The following USP44 variants were observed in gnomAD, a reference collection of about 807,000 sequenced individuals.
USP44 encodes ubiquitin specific peptidase 44.
A neutral mutation model predicts 69.0 loss-of-function variants in USP44; 61 were observed. The ratio of observed to expected loss-of-function variants is 0.88; its 90% CI spans 0.72 to 1.09. The LOEUF (loss-of-function observed/expected upper bound fraction) is 1.09. Ranked by LOEUF, USP44 falls within the 50% of genes least tolerant of loss-of-function variation. The pLI is 0.00. For synonymous variants in USP44, 297 were observed against 295.4 expected, an observed-to-expected ratio of 1.01 and a Z score of -0.06; for missense variants, 753 against 849.9, an observed-to-expected ratio of 0.89 and a Z score of 1.42.
intron 1 of USP44, among the ~76,000 whole-genome samples, chr12:95,541,168 G>A (rs751702087): frequency 1.3e-5 from 2 of 152,124 alleles, no homozygotes; most frequent in Non-Finnish European, 2.9e-5. Flanking sequence ...AATCCCAGCT[G>A]CTTGGGAGGC....
intron 1 of USP44, among the ~76,000 whole-genome samples, chr12:95,543,348 G>A (rs1467949642): frequency 8.0e-5 from 12 of 149,524 alleles, no homozygotes; most frequent in African/African-American, 2.7e-4. Flanking sequence ...TGGTTGCAGT[G>A]GGCCGAGATC....
At chr12:95,543,487 TAGAAAAAAAGA>T (rs1031689538) in intron 1 of USP44, among the ~76,000 whole-genome samples, 41 of 148,376 alleles carry the variant, frequency 2.8e-4, no homozygotes, top group Admixed American at 2.1e-3. Flanking sequence ...ACCCTGTCTC[TAGAAAAAAAGA>T]AGAAAAAAAG....
At chr12:95,537,446 G>C (rs2077243859) in intron 1 of USP44, among the ~76,000 whole-genome samples, 1 of 152,072 alleles carries the variant, frequency 6.6e-6, no homozygotes, top group Admixed American at 6.5e-5. Context: ...AGCCTCCCGA[G>C]TAGCTGGGAT....
In USP44 at chr12:95,548,206, C is replaced by A. The variant is rs2077636547; in HGVS notation, c.-71+3066G>T. On this transcript the variant is annotated intron_variant, in intron 1 of 5. Coordinates refer to ENST00000258499, the MANE Select transcript of USP44 (RefSeq NM_032147.5). This position sits in a 1 kb window ranked among gnomAD's most constrained non-coding sequence, Gnocchi z 4.1. ...CAAGACGCCGGGAAGCGCATTCCTC[C>A]TCAACCGAGTGCCACAACCGCCCTC... The A allele has an allele frequency of 6.6e-6, 1 of 152,232 alleles. No homozygotes were observed. Among genetic ancestry groups the A allele is most frequent in the South Asian group, 2.1e-4 (1 of 4,838 alleles). The allele number at this position is 152,232 out of a possible 1,614,324, so 9.4% of individuals were successfully genotyped here. A position where few individuals can be genotyped will look rare whatever the true frequency, so the allele number is the denominator to read the frequency against.
chr12:95,547,216 G>A (rs2140394005), intron 1 of USP44, among the ~76,000 whole-genome samples: 1 of 152,250 alleles, frequency 6.6e-6, no homozygotes, highest in Admixed American at 6.5e-5. Flanking sequence ...AAATATTTCA[G>A]CTTTCTAAAC....
intron 1 of USP44, among the ~76,000 whole-genome samples, chr12:95,549,611 A>G (rs1430218398): frequency 1.3e-5 from 2 of 152,200 alleles, no homozygotes; most frequent in East Asian, 1.9e-4. Context: ...GTGTACTGAA[A>G]ATTTAAAAAC....
chr12:95,523,679 C>G (rs1046198417), intron 4 of USP44, among the ~76,000 whole-genome samples: 51 of 122,738 alleles, frequency 4.2e-4, no homozygotes, highest in Non-Finnish European at 7.0e-4. Context: ...TGGCAAAACC[C>G]TGTCTCTACC....
At chr12:95,541,874 ATT>A (rs34060895) in intron 1 of USP44, among the ~76,000 whole-genome samples, 2,714 of 99,516 alleles carry the variant, frequency 0.027, 49 homozygotes, top group African/African-American at 0.099. Context: ...TATCATCTCC[ATT>A]TTTTTTTTTT....
chr12:95,532,998 G>T lies in USP44; in HGVS notation c.1259C>A (p.Ala420Asp), dbSNP rs2077070114. The T allele has an allele frequency of 1.2e-6, 2 of 1,614,160 alleles. No homozygotes were observed. The highest frequency in any genetic ancestry group is 1.7e-6 in the Non-Finnish European group (2 of 1,180,044). ...AAGAAATTCCTGAGCGTCTTGTTGG[G>T]CGTAACCACGAAAGGCAGGAATGAG... ...WRLIPAFRGY[A>D]QQDAQEFLCE... The change falls in exon 2 of 6, where the codon GCC becomes GAC. Residue 420 changes from alanine (A) to aspartate (D), a missense_variant. Coordinates refer to ENST00000258499, the MANE Select transcript of USP44 (RefSeq NM_032147.5).
At position 95,531,868 on chromosome 12, in the gene USP44, C is replaced by T. The variant is rs2077031192; in HGVS notation, c.1428+961G>A. Among the ~76,000 whole-genome samples, 4 of 152,260 alleles carry T rather than the reference C, an allele frequency of 2.6e-5. No homozygotes were observed. The East Asian group carries it at 7.7e-4, about 29-fold the overall frequency. ...TTGTGTGTTATGGGAAAGTAGAGAA[C>T]CTTATGTCTATTAACAGTTCACCAA... is the stretch of plus-strand genomic sequence containing the variant. On this transcript the variant is annotated intron_variant, in intron 2 of 5. Coordinates refer to ENST00000258499, the MANE Select transcript of USP44 (RefSeq NM_032147.5).
Position 95,549,190 on chromosome 12 carries a change from C to G in USP44, c.-71+2082G>C, listed in dbSNP as rs563333428. Among the ~76,000 whole-genome samples, 336 of 152,318 alleles carry G rather than the reference C, an allele frequency of 2.2e-3. 2 individuals carry two copies. Among genetic ancestry groups the G allele is most frequent in the Non-Finnish European group, 3.9e-3 (263 of 68,028 alleles). ...AACGTCGAATTGTTTGGCAGAAACG[C>G]GTGGCAAACTCCGTTATCTTTAAAA... On this transcript the variant is annotated intron_variant, in intron 1 of 5. Coordinates refer to ENST00000258499, the MANE Select transcript of USP44 (RefSeq NM_032147.5).
intron 1 of USP44, 91 bp from the exon 2 acceptor site, chr12:95,534,417 C>T (rs535564871): frequency 1.5e-4 from 98 of 675,418 alleles, no homozygotes; most frequent in African/African-American, 1.4e-3. Flanking sequence ...TCCTCTGCTC[C>T]CAATTTCTAG....
At chr12:95,543,966 C>CAAAAAAAA (rs760105964) in intron 1 of USP44, among the ~76,000 whole-genome samples, 3 of 47,680 alleles carry the variant, frequency 6.3e-5, no homozygotes, top group African/African-American at 1.4e-4. Flanking sequence ...GACTGCATCT[C>CAAAAAAAA]AAAAAAAAAA....
intron 5 of USP44, among the ~76,000 whole-genome samples, chr12:95,519,831 G>A (rs1414065594): frequency 6.6e-6 from 1 of 150,806 alleles, no homozygotes; most frequent in African/African-American, 2.4e-5. Flanking sequence ...CTTAAGGCCA[G>A]GAGTTCAAGA....
chr12:95,534,134 G>C lies in USP44; in HGVS notation c.123C>G (p.Cys41Trp), dbSNP rs373529362. The change falls in exon 2 of 6, where the codon TGC becomes TGG. Residue 41 changes from cysteine (C) to tryptophan (W), a missense_variant. Cys to Trp is a radical substitution (Grantham distance 215, BLOSUM62 -2). Transcript: ENST00000258499. ...DCNTTESIWACLSCSHVACGR... is the reference protein window; with the variant it reads ...DCNTTESIWAWLSCSHVACGR... The stretch of plus-strand genomic sequence containing the variant: ...CACAGGCAACATGGGAGCAGCTAAG[G>C]CAAGCCCAAATGGACTCGGTCGTGT... 1.2e-4 allele frequency: 187 copies of C among 1,614,012 alleles called. No homozygotes were observed. The highest frequency in any genetic ancestry group is 1.5e-4 in the Non-Finnish European group (181 of 1,180,040).
intron 1 of USP44, among the ~76,000 whole-genome samples, chr12:95,541,832 C>A (rs2077399270): frequency 6.6e-6 from 1 of 151,558 alleles, no homozygotes; most frequent in South Asian, 2.1e-4. Context: ...CAAGGTCCAA[C>A]TCCTTCATAA....
At chr12:95,518,924 A>G (rs1307947809) in intron 5 of USP44, among the ~76,000 whole-genome samples, 1 of 134,772 alleles carries the variant, frequency 7.4e-6, no homozygotes, top group Non-Finnish European at 1.5e-5. Context: ...TGGGTGATAG[A>G]GGGACTGTCT....
intron 1 of USP44, among the ~76,000 whole-genome samples, chr12:95,536,036 TTCC>T (rs1270779574): frequency 1.6e-5 from 2 of 127,716 alleles, no homozygotes; most frequent in Non-Finnish European, 3.7e-5. Context: ...TTCCTTTTTT[TTCC>T]TTTTTTTTTT....
intron 4 of USP44, among the ~76,000 whole-genome samples, chr12:95,521,812 C>T (rs1290225566): frequency 6.6e-6 from 1 of 152,098 alleles, no homozygotes; most frequent in Non-Finnish European, 1.5e-5. Context: ...TAATTCCTTA[C>T]TGTCTTGCCA....
Sources: gnomAD v4.1 joint callset for allele counts (sites outside exome capture counted in the v4.1 genomes callset) on GRCh38, gnomAD v4.1.1 for gene constraint, Gnocchi (gnomAD v3.1) non-coding constraint, MANE v1.5 for transcripts, NCBI Gene and HGNC (gene_info 2026-07-23, HGNC 2026-07-21) for gene names.